The following PRPF31 variants were observed in gnomAD, a reference collection of about 807,000 sequenced individuals.
PRPF31 encodes U4/U6 small nuclear ribonucleoprotein Prp31.
PRPF31 carries 12 observed loss-of-function variants against 60.4 expected under a neutral mutation model. The observed-to-expected ratio is 0.20, with a 90% CI of 0.13 to 0.32. The LOEUF (loss-of-function observed/expected upper bound fraction) is 0.32, where lower values mean the gene tolerates loss of function less well. PRPF31 is among the 10% of genes least tolerant of loss of function. The pLI, the probability that PRPF31 is intolerant of heterozygous loss-of-function variation, is 1.00. For synonymous variants in PRPF31, 287 were observed against 287.9 expected, an observed-to-expected ratio of 1.00 and a Z score of 0.03; for missense variants, 431 against 687.1, an observed-to-expected ratio of 0.63 and a Z score of 4.17.
rs373096049 is a variant in PRPF31, at chr19:54,121,167, G to T, written c.239-693G>T. Among the ~76,000 whole-genome samples, 23 of 152,188 alleles carry T rather than the reference G, an allele frequency of 1.5e-4. No homozygotes were observed. In the East Asian group the frequency reaches 4.1e-3, roughly 27 times the overall value. On this transcript the variant is annotated intron_variant, in intron 3 of 13. Transcript: ENST00000321030. ...AAACAAAAAAAATTAGCCGGGCATG[G>T]TGGCACATGCCTGTAATCCCAGCTA...
At chr19:54,124,940 G>A (rs2073883708) in intron 8 of PRPF31, 1 of 571,526 alleles carries the variant, frequency 1.7e-6, no homozygotes, top group African/African-American at 1.9e-5. Flanking sequence ...CGAGGGCTCA[G>A]TGCACATGAA....
At position 54,125,923 on chromosome 19, in the gene PRPF31, T is replaced by C. The variant is rs115877799; in HGVS notation, c.856-605T>C. Among the ~76,000 whole-genome samples, 966 of 152,340 alleles carry C rather than the reference T, an allele frequency of 6.3e-3. 8 individuals are homozygous for C. Among genetic ancestry groups the C allele is most frequent in the African/African-American group, 0.022 (902 of 41,590 alleles). Reference sequence around the variant, plus strand: ...GTTAAACCTGCCCCAGGGAGCCTGATGTCTTGTCACCCAGGCCTCTGCCTC... The same window carrying C: ...GTTAAACCTGCCCCAGGGAGCCTGACGTCTTGTCACCCAGGCCTCTGCCTC... On this transcript the variant is annotated intron_variant, in intron 8 of 13. Transcript: ENST00000321030.
chr19:54,124,024 A>C (rs1417579933), intron 7 of PRPF31, 106 bp downstream of exon 7: 2 of 1,555,814 alleles, frequency 1.3e-6, no homozygotes, highest in East Asian at 4.6e-5. Context: ...CCTGGACCTC[A>C]GCACCCCGTC....
At chr19:54,123,598 G>C (rs190223132) in intron 6 of PRPF31, 38 bp downstream of exon 6, 1 of 1,608,328 alleles carries the variant, frequency 6.2e-7, no homozygotes, top group Admixed American at 1.7e-5. Context: ...GCCCTAATGG[G>C]ATTGGGGATT....
At chr19:54,129,486 G>A (rs2074003342) in intron 13 of PRPF31, 116 bp downstream of exon 13, 2 of 1,291,846 alleles carry the variant, frequency 1.5e-6, no homozygotes, top group Non-Finnish European at 2.1e-6. Context: ...TGTGGAGGGT[G>A]TGGTGACGAG....
At chr19:54,121,835 C>G (rs587636626) in intron 3 of PRPF31, 25 bp from the exon 4 acceptor site, 1 of 1,593,846 alleles carries the variant, frequency 6.3e-7, no homozygotes, top group Non-Finnish European at 8.6e-7. Context: ...TAGATACTCA[C>G]ACCCATGCCT....
rs763882898 is a variant in PRPF31 at position 54,123,876 on chromosome 19, C to A, written c.655C>A (p.Leu219Met). 2.4e-5 allele frequency: 39 copies of A among 1,613,952 alleles called. No homozygotes were observed. In the Admixed American group the frequency reaches 6.5e-4, roughly 27 times the overall value. ...ESRMSFIAPN[L>M]SIIIGASTAA... ...CCGGATGTCCTTCATCGCACCCAAC[C>A]TGTCCATCATTATCGGGGCATCCAC... The change falls in exon 7 of 14, where the codon CTG (leucine) becomes ATG (methionine). Residue 219 changes from leucine (L) to methionine (M), a missense_variant. This residue lies in a region of PRPF31 where 314 missense variants were observed against 475.3 expected (regional missense o/e 0.66). Transcript: ENST00000321030.
chr19:54,128,022 G>C, intron 9 of PRPF31, 51 bp from the exon 10 acceptor site: 1 of 1,547,980 alleles, frequency 6.5e-7, no homozygotes, highest in Non-Finnish European at 8.7e-7. Context: ...AGGAGGCCTG[G>C]GTGGGCAGCC....
At chr19:54,120,956 G>A (rs753688770) in intron 3 of PRPF31, among the ~76,000 whole-genome samples, 5 of 152,206 alleles carry the variant, frequency 3.3e-5, no homozygotes, top group African/African-American at 7.2e-5. Flanking sequence ...AGAAACAGAC[G>A]TGGGGTAAGG....
chr19:54,124,545 C>T lies in PRPF31; in HGVS notation c.744C>T (p.Asn248=). The change falls in exon 8 of 14, where the codon AAC becomes AAT. Residue 248 remains asparagine (N), a synonymous_variant. Coordinates refer to ENST00000321030, the MANE Select transcript of PRPF31 (RefSeq NM_015629.4). ...ACCTCTCCAAGATGCCCGCCTGCAACATCATGCTGCTCGGGGCCCAGCGCA... is the reference window on the plus strand; with the variant it reads ...ACCTCTCCAAGATGCCCGCCTGCAATATCATGCTGCTCGGGGCCCAGCGCA... ...LTNLSKMPAC[N]IMLLGAQRKT... is the part of the protein sequence containing the mutation. 6.2e-7 allele frequency: 1 copy of T among 1,612,302 alleles called. No individual in the cohort carries two copies. Among genetic ancestry groups the T allele is most frequent in the Non-Finnish European group, 8.5e-7 (1 of 1,179,752 alleles).
chr19:54,128,442 T>C, intron 11 of PRPF31, 65 bp downstream of exon 11: 1 of 1,454,848 alleles, frequency 6.9e-7, no homozygotes, highest in Non-Finnish European at 9.4e-7. Flanking sequence ...CTCTGCCTCC[T>C]GCCACCGCCC....
intron 1 of PRPF31, among the ~76,000 whole-genome samples, chr19:54,117,584 C>T (rs1204517656): frequency 3.3e-5 from 5 of 151,786 alleles, no homozygotes; most frequent in Non-Finnish European, 1.5e-5. Flanking sequence ...CGGTGGCTTA[C>T]GCCTGTAATC....
chr19:54,130,551 G>T (rs1233980236), intron 13 of PRPF31, among the ~76,000 whole-genome samples: 1 of 152,086 alleles, frequency 6.6e-6, no homozygotes, highest in African/African-American at 2.4e-5. Context: ...CGTGAACCCG[G>T]GAGGCGGAGC....
At chr19:54,128,253 G>A (rs1236413343) in intron 10 of PRPF31, 52 bp from the exon 11 acceptor site, 13 of 1,558,862 alleles carry the variant, frequency 8.3e-6, no homozygotes, top group South Asian at 4.7e-5. Flanking sequence ...GGGAGAAGCC[G>A]GCGTCCTCCT....
intron 8 of PRPF31, 51 bp from the exon 9 acceptor site, chr19:54,126,477 C>CTCTG (rs773320849): frequency 1.9e-6 from 3 of 1,566,476 alleles, no homozygotes; most frequent in East Asian, 4.6e-5. Context: ...TTGCTGTTAC[C>CTCTG]TCTGTCTGTC....
At chr19:54,122,727 T>TGCCCA (rs2073823471) in intron 5 of PRPF31, 133 bp downstream of exon 5, 3 of 784,478 alleles carry the variant, frequency 3.8e-6, no homozygotes, top group Admixed American at 1.9e-5. Flanking sequence ...TGGTCTGCTC[T>TGCCCA]GCCCAGCGTG....
At chr19:54,125,287 GTGT>G (rs756862291) in intron 8 of PRPF31, 1 of 156,764 alleles carries the variant, frequency 6.4e-6, no homozygotes, top group Non-Finnish European at 1.4e-5. Flanking sequence ...CTGAGGTCAG[GTGT>G]TCGAGACCAG....
intron 8 of PRPF31, among the ~76,000 whole-genome samples, chr19:54,125,504 A>AAG (rs1295270452): frequency 6.6e-6 from 1 of 150,518 alleles, no homozygotes; most frequent in African/African-American, 2.4e-5. Context: ...TCAAAAAAAA[A>AAG]AAAAAACAAG....
chr19:54,123,199 G>A, intron 5 of PRPF31: 2 of 590,818 alleles, frequency 3.4e-6, no homozygotes, highest in Non-Finnish European at 6.0e-6. Context: ...TGAGGCCACA[G>A]TCTTTCCAGA....
Sources: gnomAD v4.1 joint callset for allele counts (sites outside exome capture counted in the v4.1 genomes callset) on GRCh38, gnomAD v4.1.1 for gene constraint, gnomAD v4.1.1 regional missense constraint, MANE v1.5 for transcripts, NCBI Gene and HGNC (gene_info 2026-07-23, HGNC 2026-07-21) for gene names.